The following MYL4 variants were observed in gnomAD, a reference collection of about 807,000 sequenced individuals.
MYL4 encodes myosin light chain 4.
MYL4 carries 16 observed loss-of-function variants against 21.6 expected under a neutral mutation model. That is an observed-to-expected ratio of 0.74 (90% CI 0.50 to 1.12). The LOEUF (loss-of-function observed/expected upper bound fraction) is 1.12. Among genes scored for constraint, MYL4 ranks in the 50% most tolerant of loss-of-function variants. The probability of loss-of-function intolerance (pLI) is 0.00; values close to 1 mark genes in which losing one functional copy is unlikely to be tolerated. For missense variants in MYL4, 249 were observed against 252.9 expected, an observed-to-expected ratio of 0.98 and a Z score of 0.11; for synonymous variants, 82 against 95.7, an observed-to-expected ratio of 0.86 and a Z score of 0.83.
rs888522478 is a variant in MYL4 at position 47,221,594 on chromosome 17, G to A, written c.314-88G>A. The A allele has an allele frequency of 2.2e-5, 32 of 1,477,650 alleles. 1 individual carries two copies. In the Middle Eastern group the frequency reaches 7.1e-4, roughly 33 times the overall value. 91.5% of individuals were successfully genotyped at this position (1,477,650 alleles called of 1,614,324 possible). A position where few individuals can be genotyped will look rare whatever the true frequency, so the allele number is the denominator to read the frequency against. On this transcript the variant is annotated intron_variant, in intron 3 of 6. Transcript: ENST00000393450. ...GCAGCCCAAGCCCTGGGTGCTGTCA[G>A]ACTTGGGGTGAGGCCCCCTCTTGAC...
upstream of MYL4, chr17:47,209,232 T>C (rs1467931336): frequency 1.4e-6 from 1 of 736,716 alleles, no homozygotes; most frequent in Non-Finnish European, 2.3e-6. Context: ...TTGTCAGCTG[T>C]ACCCTGCTGG....
At chr17:47,198,176 A>G (rs566508719), upstream of MYL4, among the ~76,000 whole-genome samples, 1 of 152,312 alleles carries the variant, frequency 6.6e-6, no homozygotes, top group African/African-American at 2.4e-5. Flanking sequence ...CTATTCTAGG[A>G]TCTTAGATGG....
intron 2 of MYL4, among the ~76,000 whole-genome samples, chr17:47,215,844 G>A (rs1328334060): frequency 6.6e-6 from 1 of 152,192 alleles, no homozygotes; most frequent in Non-Finnish European, 1.5e-5. Context: ...AGGCTGGAGT[G>A]CAATGGTGCT....
intron 1 of MYL4, among the ~76,000 whole-genome samples, chr17:47,202,197 G>A (rs1212934588): frequency 6.6e-6 from 1 of 152,170 alleles, no homozygotes; most frequent in Non-Finnish European, 1.5e-5. Context: ...TGTTGGCCAG[G>A]CTGGTCTCAA....
chr17:47,221,948 A>G lies in MYL4; in HGVS notation c.487+93A>G, dbSNP rs143760492. On this transcript the variant is annotated intron_variant, in intron 4 of 6. Coordinates refer to ENST00000393450, the MANE Select transcript of MYL4 (RefSeq NM_002476.2). ...ATATGCTGGTTGGGTGGGGGGTGGTATACAAGGGTCTTTGCATCCTGAGGA... is the reference window on the plus strand; with the variant it reads ...ATATGCTGGTTGGGTGGGGGGTGGTGTACAAGGGTCTTTGCATCCTGAGGA... The G allele has an allele frequency of 5.4e-5, 76 of 1,394,980 alleles. No individual in the cohort carries two copies. In the Admixed American group the frequency reaches 5.7e-4, roughly 10 times the overall value. 86.4% of individuals were successfully genotyped at this position (1,394,980 alleles called of 1,614,324 possible).
chr17:47,191,514 G>A, the MYL4 span, among the ~76,000 whole-genome samples: 1 of 152,002 alleles, frequency 6.6e-6, no homozygotes, highest in Non-Finnish European at 1.5e-5. Context: ...CTGTTGCCCA[G>A]AGCTGGAGTG....
chr17:47,213,039 A>G (rs1224756375), intron 1 of MYL4, among the ~76,000 whole-genome samples: 1 of 152,162 alleles, frequency 6.6e-6, no homozygotes, highest in Non-Finnish European at 1.5e-5. Flanking sequence ...TAGAAAGAGC[A>G]GTCCGAGTGT....
upstream of MYL4, among the ~76,000 whole-genome samples, chr17:47,207,705 G>A (rs753893391): frequency 8.5e-5 from 13 of 152,132 alleles, no homozygotes; most frequent in Non-Finnish European, 1.6e-4. Context: ...AAGCAGTTTT[G>A]TGTAGTGGAT....
chr17:47,199,148 G>A (rs192652149), upstream of MYL4, among the ~76,000 whole-genome samples: 1 of 152,020 alleles, frequency 6.6e-6, no homozygotes, highest in Admixed American at 6.5e-5. Context: ...GGCTGAGGCA[G>A]GAGAATGGTG....
the MYL4 span, among the ~76,000 whole-genome samples, chr17:47,194,190 C>G: frequency 6.6e-6 from 1 of 152,238 alleles, no homozygotes; most frequent in Non-Finnish European, 1.5e-5. Context: ...CTCATAGGTA[C>G]TTTGTTCGGA....
intron 2 of MYL4, among the ~76,000 whole-genome samples, chr17:47,216,653 T>A (rs1273510040): frequency 6.6e-6 from 1 of 152,084 alleles, no homozygotes; most frequent in Non-Finnish European, 1.5e-5. Flanking sequence ...TCTTCAGGTT[T>A]CACCCTCTTA....
chr17:47,225,109 C>T (rs2064880311), downstream of MYL4, among the ~76,000 whole-genome samples: 1 of 152,206 alleles, frequency 6.6e-6, no homozygotes, highest in Non-Finnish European at 1.5e-5. Flanking sequence ...GCCTAACTAT[C>T]AATCATCCAG....
chr17:47,217,731 G>A (rs140484223), intron 2 of MYL4, among the ~76,000 whole-genome samples: 92 of 152,118 alleles, frequency 6.0e-4, no homozygotes, highest in African/African-American at 2.1e-3. Context: ...TAATTTGAAT[G>A]TAATTTAAGA....
upstream of MYL4, among the ~76,000 whole-genome samples, chr17:47,198,929 T>C (rs954612764): frequency 4.7e-4 from 71 of 151,636 alleles, no homozygotes; most frequent in African/African-American, 1.6e-3. Flanking sequence ...GAAGTTGCAG[T>C]GAGTTAAAAT....
chr17:47,210,355 C>G (rs2064764964), intron 1 of MYL4, among the ~76,000 whole-genome samples: 1 of 152,142 alleles, frequency 6.6e-6, no homozygotes, highest in Non-Finnish European at 1.5e-5. Context: ...GCTCTCTGGC[C>G]CAGCTGCTGA....
In MYL4 at chr17:47,222,316, G is replaced by T. The variant is rs764349539; in HGVS notation, c.488-64G>T. The T allele has an allele frequency of 8.2e-6, 12 of 1,467,530 alleles. No homozygotes were observed. The South Asian group carries it at 1.2e-4, about 15-fold the overall frequency. 90.9% of individuals were successfully genotyped at this position (1,467,530 alleles called of 1,614,324 possible). ...CCTTCACACTTAAGGGGGTACTTGG[G>T]TATTGCCAGTTCCTCCTTTGCCATC... On this transcript the variant is annotated intron_variant, in intron 4 of 6. Transcript: ENST00000393450.
At chr17:47,208,690 G>C (rs886230705), upstream of MYL4, among the ~76,000 whole-genome samples, 1 of 152,118 alleles carries the variant, frequency 6.6e-6, no homozygotes, top group African/African-American at 2.4e-5. Flanking sequence ...TCTCTCCTAG[G>C]TGCCTAGGCA....
At chr17:47,213,145 G>T (rs1201750638) in intron 1 of MYL4, among the ~76,000 whole-genome samples, 2 of 152,186 alleles carry the variant, frequency 1.3e-5, no homozygotes, top group East Asian at 3.8e-4. Context: ...GGCAGTTTGT[G>T]GGTGGCTAGG....
chr17:47,217,888 C>G (rs2064826482), intron 2 of MYL4, among the ~76,000 whole-genome samples: 1 of 151,862 alleles, frequency 6.6e-6, no homozygotes, highest in East Asian at 1.9e-4. Context: ...ACATAATTAG[C>G]CTGGCGTGGT....
Sources: gnomAD v4.1 joint callset for allele counts (sites outside exome capture counted in the v4.1 genomes callset) on GRCh38, gnomAD v4.1.1 for gene constraint, MANE v1.5 for transcripts, NCBI Gene and HGNC (gene_info 2026-07-23, HGNC 2026-07-21) for gene names.